The following DAB1 variants were observed in gnomAD, a reference collection of about 807,000 sequenced individuals.
DAB1 encodes disabled homolog 1.
In DAB1, 15 loss-of-function variants were observed where a neutral mutation model predicts 64.6. The ratio of observed to expected loss-of-function variants is 0.23; its 90% confidence interval spans 0.16 to 0.36. The LOEUF (loss-of-function observed/expected upper bound fraction) is 0.36. Ranked by LOEUF, DAB1 falls within the 10% of genes least tolerant of loss-of-function variation. The pLI, the probability that DAB1 is intolerant of heterozygous loss-of-function variation, is 1.00. For missense variants in DAB1, 596 were observed against 706.7 expected (o/e 0.84, Z 1.78); for synonymous variants, 235 against 251.9 (o/e 0.93, Z 0.64).
chr1:58,422,627 C>G (rs1569758712), intron 3 of DAB1, among the ~76,000 whole-genome samples: 1 of 136,596 alleles, frequency 7.3e-6, no homozygotes, highest in East Asian at 2.1e-4. Flanking sequence ...TTTTTTGAGA[C>G]AGAGTCACGT....
At chr1:57,810,789 A>G (rs1651582526) in intron 6 of DAB1, among the ~76,000 whole-genome samples, 1 of 152,238 alleles carries the variant, frequency 6.6e-6, no homozygotes, top group Admixed American at 6.5e-5. Flanking sequence ...GGTCTCTATT[A>G]GCTTTCTATT....
At chr1:58,262,200 G>C (rs572941194) in intron 4 of DAB1, among the ~76,000 whole-genome samples, 5 of 152,298 alleles carry the variant, frequency 3.3e-5, no homozygotes, top group Admixed American at 6.5e-5. Context: ...AAGAGGAGGA[G>C]CCTATAGAGG....
intron 1 of DAB1, among the ~76,000 whole-genome samples, chr1:57,332,692 G>C (rs1009232270): frequency 2.6e-5 from 4 of 152,100 alleles, no homozygotes; most frequent in Admixed American, 6.5e-5. Flanking sequence ...AACAATCTCT[G>C]AAATGTACAT....
chr1:57,785,137 G>C (rs1650279327), intron 6 of DAB1, among the ~76,000 whole-genome samples: 1 of 152,140 alleles, frequency 6.6e-6, no homozygotes, highest in African/African-American at 2.4e-5. Context: ...CAGTACATCT[G>C]TTTATGGTAT....
At chr1:57,081,759 T>C (rs532506177) in intron 4 of DAB1, among the ~76,000 whole-genome samples, 1 of 152,150 alleles carries the variant, frequency 6.6e-6, no homozygotes, top group South Asian at 2.1e-4. Flanking sequence ...GGAAGTTTCA[T>C]TGACATGCAA....
intron 2 of DAB1, among the ~76,000 whole-genome samples, chr1:57,276,128 A>G (rs1014508297): frequency 6.6e-6 from 1 of 152,244 alleles, no homozygotes; most frequent in African/African-American, 2.4e-5. Context: ...GAAGGATCAG[A>G]CAGGATGTCA....
At chr1:57,854,140 G>T (rs1240424200) in intron 1 of DAB1, among the ~76,000 whole-genome samples, 1 of 152,156 alleles carries the variant, frequency 6.6e-6, no homozygotes, top group African/African-American at 2.4e-5. Context: ...CTTTAAGACT[G>T]TGACACTTCC....
intron 5 of DAB1, among the ~76,000 whole-genome samples, chr1:58,055,498 C>G (rs188754988): frequency 1.3e-5 from 2 of 151,668 alleles, no homozygotes; most frequent in Non-Finnish European, 2.9e-5. Flanking sequence ...ACTTAATCAT[C>G]TTCTGACAGT....
intron 4 of DAB1, among the ~76,000 whole-genome samples, chr1:58,158,830 G>A (rs1244961659): frequency 6.6e-6 from 1 of 151,264 alleles, no homozygotes; most frequent in Non-Finnish European, 1.5e-5. Flanking sequence ...AGCAAATGCA[G>A]GCACAGGCAA....
intron 1 of DAB1, among the ~76,000 whole-genome samples, chr1:58,532,910 C>T (rs976123179): frequency 4.6e-5 from 7 of 152,110 alleles, no homozygotes; most frequent in Non-Finnish European, 1.5e-5. Flanking sequence ...AACAATTTAG[C>T]CCATCTCATC....
At position 57,733,153 on chromosome 1, in the gene DAB1, T is replaced by C. The variant is rs1269769200; in HGVS notation, n.552-83488A>G. 2.0e-5 allele frequency among the ~76,000 whole-genome samples: 3 copies of C among 152,226 alleles called. No homozygotes were observed. The East Asian group carries it at 5.8e-4, about 29-fold the overall frequency. Reference sequence around the variant, plus strand: ...GGAAATCAACCACTGAACTCAAATGTTACTTTTTCTGTGAGGCTGCCCTAA... The same window carrying C: ...GGAAATCAACCACTGAACTCAAATGCTACTTTTTCTGTGAGGCTGCCCTAA... On this transcript the variant is annotated intron_variant and non_coding_transcript_variant, in intron 6 of 20. Transcript: ENST00000485760.
At chr1:57,743,084 G>T (rs1648080010) in intron 6 of DAB1, among the ~76,000 whole-genome samples, 1 of 152,094 alleles carries the variant, frequency 6.6e-6, no homozygotes, top group African/African-American at 2.4e-5. Flanking sequence ...TTGTCCCTAG[G>T]CTGTCCTGAG....
chr1:57,353,533 G>T (rs2100868575), intron 1 of DAB1, among the ~76,000 whole-genome samples: 1 of 152,270 alleles, frequency 6.6e-6, no homozygotes, highest in East Asian at 1.9e-4. Context: ...GCTTGCCATG[G>T]CTTCGATTTT....
chr1:57,473,846 T>C (rs1414240348), intron 7 of DAB1, among the ~76,000 whole-genome samples: 1 of 152,228 alleles, frequency 6.6e-6, no homozygotes. Flanking sequence ...CATTTCTATA[T>C]ATTTTTATTT....
intron 1 of DAB1, among the ~76,000 whole-genome samples, chr1:57,390,979 A>G (rs968352048): frequency 6.6e-6 from 1 of 152,142 alleles, no homozygotes; most frequent in African/African-American, 2.4e-5. Context: ...TTTCCCACAA[A>G]TAGTTTAAGT....
At chr1:57,546,290 A>T (rs1644855989) in intron 7 of DAB1, among the ~76,000 whole-genome samples, 1 of 152,198 alleles carries the variant, frequency 6.6e-6, no homozygotes, top group Non-Finnish European at 1.5e-5. Flanking sequence ...CATTGTGTAT[A>T]AAACTAGCCA....
At chr1:57,400,685 T>C (rs1033633196) in intron 1 of DAB1, among the ~76,000 whole-genome samples, 4 of 152,060 alleles carry the variant, frequency 2.6e-5, no homozygotes, top group Admixed American at 2.0e-4. Flanking sequence ...CTGGCCTGTT[T>C]ATTTGAGAGA....
chr1:57,669,949 C>G (rs1420779050), intron 6 of DAB1, among the ~76,000 whole-genome samples: 2 of 151,296 alleles, frequency 1.3e-5, no homozygotes, highest in African/African-American at 4.9e-5. Flanking sequence ...TGCTTCATAA[C>G]AAATAAAACA....
At chr1:58,450,649 G>A (rs1232489519) in intron 3 of DAB1, among the ~76,000 whole-genome samples, 1 of 152,220 alleles carries the variant, frequency 6.6e-6, no homozygotes, top group Non-Finnish European at 1.5e-5. Flanking sequence ...AGCTACTCGG[G>A]AGGTTGAGGC....
Sources: allele counts gnomAD v4.1 joint callset (sites outside exome capture counted in the v4.1 genomes callset), GRCh38; gene constraint gnomAD v4.1.1; transcripts MANE v1.5; gene names NCBI Gene and HGNC (gene_info 2026-07-23, HGNC 2026-07-21).